ASAP2: variants seen among roughly 807,000 people sequenced by gnomAD.
The protein encoded by ASAP2 is arf-GAP with SH3 domain, ANK repeat and PH domain-containing protein 2.
ASAP2 carries 45 observed loss-of-function variants against 131.4 expected under a neutral mutation model. That is an observed-to-expected ratio of 0.34 (90% CI 0.27 to 0.44). The LOEUF (loss-of-function observed/expected upper bound fraction) is 0.44. Among genes scored for constraint, ASAP2 ranks in the 20% least tolerant of loss-of-function variants. ASAP2 has a pLI of 1.00. For synonymous variants in ASAP2, 510 were observed against 503.0 expected, an observed-to-expected ratio of 1.01 and a Z score of -0.19; for missense variants, 1,011 against 1,297.0, an observed-to-expected ratio of 0.78 and a Z score of 3.39.
At chr2:9,213,842 A>G (rs1349666148) in intron 1 of ASAP2, among the ~76,000 whole-genome samples, 1 of 152,194 alleles carries the variant, frequency 6.6e-6, no homozygotes, top group African/African-American at 2.4e-5. Flanking sequence ...TTAGTGTCAG[A>G]ATCCAGGCCA....
chr2:9,380,338 C>G (rs1478944779), intron 19 of ASAP2, among the ~76,000 whole-genome samples: 2 of 152,138 alleles, frequency 1.3e-5, no homozygotes, highest in Non-Finnish European at 2.9e-5. Context: ...GCTGGGACCA[C>G]AGGCATGTGC....
chr2:9,327,376 T>G (rs1670548076), intron 6 of ASAP2, among the ~76,000 whole-genome samples: 1 of 152,160 alleles, frequency 6.6e-6, no homozygotes. Flanking sequence ...TTTCCAACAA[T>G]CACATTATTT....
At chr2:9,297,521 G>C (rs1668222122) in intron 3 of ASAP2, 76 bp downstream of exon 3, 1 of 1,541,758 alleles carries the variant, frequency 6.5e-7, no homozygotes, top group Non-Finnish European at 8.9e-7. Context: ...GTTATGGTTT[G>C]TTTGATAAAC....
At chr2:9,266,780 T>C (rs1314917561) in intron 1 of ASAP2, among the ~76,000 whole-genome samples, 1 of 152,186 alleles carries the variant, frequency 6.6e-6, no homozygotes, top group Non-Finnish European at 1.5e-5. Context: ...AAGTAAGTAG[T>C]TTAGTAAGAT....
At chr2:9,373,361 C>T (rs1184075036) in intron 16 of ASAP2, among the ~76,000 whole-genome samples, 1 of 152,242 alleles carries the variant, frequency 6.6e-6, no homozygotes, top group Non-Finnish European at 1.5e-5. Flanking sequence ...GCGGCGTGTC[C>T]AGGAGCCACA....
intron 4 of ASAP2, 54 bp from the exon 5 acceptor site, chr2:9,320,234 C>T: frequency 2.0e-6 from 3 of 1,463,592 alleles, no homozygotes; most frequent in Admixed American, 1.7e-5. Flanking sequence ...GTAAGTTTAT[C>T]TTGCACAGAA....
chr2:9,318,467 T>G, intron 3 of ASAP2, 57 bp from the exon 4 acceptor site: 1 of 1,316,192 alleles, frequency 7.6e-7, no homozygotes, highest in South Asian at 1.2e-5. Context: ...CTTGCTGTCC[T>G]TACTTTAGAT....
chr2:9,241,763 C>A (rs1222740406), intron 1 of ASAP2, among the ~76,000 whole-genome samples: 1 of 152,122 alleles, frequency 6.6e-6, no homozygotes, highest in Admixed American at 6.6e-5. Flanking sequence ...TGAGTATATG[C>A]CAGACACTGT....
intron 24 of ASAP2, among the ~76,000 whole-genome samples, chr2:9,397,751 T>TATATATATATATATA (rs1491228426): frequency 5.0e-5 from 3 of 60,190 alleles, no homozygotes; most frequent in African/African-American, 4.3e-4. Context: ...TATATATATA[T>TATATATATATATATA]TTTTTTTTTT....
At chr2:9,293,750 C>A (rs1043040550) in intron 2 of ASAP2, among the ~76,000 whole-genome samples, 3 of 152,082 alleles carry the variant, frequency 2.0e-5, no homozygotes, top group African/African-American at 7.2e-5. Context: ...CAGCAGGAAG[C>A]TTCAAGTTCA....
intron 9 of ASAP2, among the ~76,000 whole-genome samples, chr2:9,341,038 G>C (rs1010044328): frequency 6.6e-6 from 1 of 152,134 alleles, no homozygotes; most frequent in African/African-American, 2.4e-5. Flanking sequence ...GGTTGTCTTC[G>C]TCTCTCTTAG....
chr2:9,214,734 C>T (rs993906959), intron 1 of ASAP2, among the ~76,000 whole-genome samples: 1 of 149,004 alleles, frequency 6.7e-6, no homozygotes, highest in African/African-American at 2.5e-5. Flanking sequence ...TTGTCACTGC[C>T]AGGTGCCAGG....
Position 9,374,956 on chromosome 2 carries a change from G to T in ASAP2, c.1746+12G>T. ...TGGCCAACGGACATGTAAGAGTGTG[G>T]GTTGTTGCTACTTTAAAAAAAAAAA... On this transcript the variant is annotated intron_variant, in intron 17 of 27. Coordinates refer to ENST00000281419, the MANE Select transcript of ASAP2 (RefSeq NM_003887.3). The T allele has an allele frequency of 6.4e-7, 1 of 1,561,698 alleles. No individual in the cohort carries two copies. Among genetic ancestry groups the T allele is most frequent in the Non-Finnish European group, 8.6e-7 (1 of 1,159,954 alleles).
chr2:9,261,549 C>G (rs1464950470), intron 1 of ASAP2, among the ~76,000 whole-genome samples: 5 of 152,216 alleles, frequency 3.3e-5, no homozygotes, highest in African/African-American at 1.2e-4. Flanking sequence ...GAGTACACAC[C>G]TACTGCTGCC....
chr2:9,330,309 G>A (rs1670748898), intron 7 of ASAP2, among the ~76,000 whole-genome samples: 1 of 152,198 alleles, frequency 6.6e-6, no homozygotes, highest in Non-Finnish European at 1.5e-5. Flanking sequence ...AGTGAAACAA[G>A]CCAGCCGCAG....
At chr2:9,383,623 C>T (rs1675038661) in intron 20 of ASAP2, among the ~76,000 whole-genome samples, 1 of 152,230 alleles carries the variant, frequency 6.6e-6, no homozygotes, top group Middle Eastern at 3.4e-3. Context: ...AGACCCTTCC[C>T]ATAATCCTAA....
intron 1 of ASAP2, among the ~76,000 whole-genome samples, chr2:9,233,849 G>A (rs1663348107): frequency 6.6e-6 from 1 of 152,108 alleles, no homozygotes; most frequent in African/African-American, 2.4e-5. Flanking sequence ...GGTGGCTCAC[G>A]CCTGTAATCC....
At chr2:9,369,082 G>A (rs1436565843) in intron 16 of ASAP2, among the ~76,000 whole-genome samples, 3 of 150,954 alleles carry the variant, frequency 2.0e-5, no homozygotes, top group Middle Eastern at 3.4e-3. Flanking sequence ...GCAGTGGCAC[G>A]ATCTCGGCTC....
intron 7 of ASAP2, among the ~76,000 whole-genome samples, chr2:9,328,442 A>G (rs1670615432): frequency 6.6e-6 from 1 of 152,194 alleles, no homozygotes; most frequent in Non-Finnish European, 1.5e-5. Flanking sequence ...TTGTAGAGGG[A>G]CAAACTCATT....
Sources: gnomAD v4.1 joint callset for allele counts (sites outside exome capture counted in the v4.1 genomes callset) on GRCh38, gnomAD v4.1.1 for gene constraint, MANE v1.5 for transcripts, NCBI Gene and HGNC (gene_info 2026-07-23, HGNC 2026-07-21) for gene names.